The following ZMYM6 variants were observed in gnomAD, a reference collection of about 807,000 sequenced individuals.
ZMYM6 encodes zinc finger MYM-type containing 6.
Under a neutral mutation model 134.0 loss-of-function variants are expected in ZMYM6, and 90 were observed. The observed-to-expected ratio is 0.67, with a 90% CI of 0.57 to 0.80. The LOEUF (loss-of-function observed/expected upper bound fraction) is 0.80. Among genes scored for constraint, ZMYM6 ranks in the 30% least tolerant of loss-of-function variants. ZMYM6 has a pLI of 0.00. For synonymous variants in ZMYM6, 481 were observed against 524.1 expected (o/e 0.92, Z 1.12); for missense variants, 1,362 against 1,533.9 (o/e 0.89, Z 1.87).
At chr1:35,010,301 G>A (rs546206372) in intron 10 of ZMYM6, 146 bp downstream of exon 10, 162 of 1,054,540 alleles carry the variant, frequency 1.5e-4, no homozygotes, top group African/African-American at 8.0e-4. Context: ...GATTACAGGC[G>A]TGAGCCTCCA....
At chr1:34,990,360 G>C (rs55818340) in intron 15 of ZMYM6, 22,852 of 217,190 alleles carry the variant, frequency 0.11, 4,831 homozygotes, top group African/African-American at 0.46. Flanking sequence ...GCAGGTGCCT[G>C]TAATCCCAGC....
intron 4 of ZMYM6, 197 bp downstream of exon 4, chr1:35,019,156 G>T: frequency 1.4e-6 from 1 of 728,122 alleles, no homozygotes; most frequent in Non-Finnish European, 2.2e-6. Flanking sequence ...TAGAAAACTG[G>T]TTTAGGCAAT....
At position 35,010,693 on chromosome 1, in the gene ZMYM6, T is replaced by G. The variant is rs192952458; in HGVS notation, c.1341+65A>C. 444 of 1,539,864 alleles carry G rather than the reference T, an allele frequency of 2.9e-4. 3 individuals are homozygous for G. The highest frequency in any genetic ancestry group is 2.5e-5 in the Non-Finnish European group (29 of 1,149,614). On this transcript the variant is annotated intron_variant, in intron 9 of 15. Coordinates refer to ENST00000357182, the MANE Select transcript of ZMYM6 (RefSeq NM_007167.4). Reference sequence around the variant, plus strand: ...TCAAAGCAAATTGAGTGATCAAAATTGAAAACACAAAAGTGTTTCTACTGG... The same window carrying G: ...TCAAAGCAAATTGAGTGATCAAAATGGAAAACACAAAAGTGTTTCTACTGG...
At chr1:35,015,723 C>CAAAAAAAAA (rs1331400824) in intron 4 of ZMYM6, among the ~76,000 whole-genome samples, 10 of 51,194 alleles carry the variant, frequency 2.0e-4, no homozygotes, top group African/African-American at 8.1e-4. Context: ...GACTCCATCT[C>CAAAAAAAAA]AAAAAAAAAA....
rs967483224 is a variant in ZMYM6, at chr1:35,008,838, T to C, written c.1579A>G (p.Asn527Asp). The change falls in exon 11 of 16, where the codon AAT (asparagine) becomes GAT (aspartate). Residue 527 changes from asparagine (N) to aspartate (D), a missense_variant. This residue lies in a region of ZMYM6 where 824 missense variants were observed against 940.9 expected (regional missense o/e 0.88). Coordinates refer to ENST00000357182, the MANE Select transcript of ZMYM6 (RefSeq NM_007167.4). Reference protein sequence around the residue: ...MCSYCSQTSPNLVENRLEGKL... With the variant: ...MCSYCSQTSPDLVENRLEGKL... ...CCCTCCAATCGATTTTCTACCAAAT[T>C]TGGGGATGTCTGTGAACAGTAGCTG... The C allele has an allele frequency of 1.9e-6, 3 of 1,614,150 alleles. No homozygotes were observed. Among genetic ancestry groups the C allele is most frequent in the Non-Finnish European group, 2.5e-6 (3 of 1,180,014 alleles).
rs180921330 is a variant in ZMYM6 at position 35,007,398 on chromosome 1, G to A, written c.1666-300C>T. ...GAGGTCAGGAGTTCAAGACCAGCCT[G>A]ACCAACATGGTGAAACCCCGTATCT... On this transcript the variant is annotated intron_variant, in intron 11 of 15. Coordinates refer to ENST00000357182, the MANE Select transcript of ZMYM6 (RefSeq NM_007167.4). Among the ~76,000 whole-genome samples the A allele has an allele frequency of 4.5e-4, 69 of 152,204 alleles. 1 individual carries two copies. Among genetic ancestry groups the A allele is most frequent in the African/African-American group, 1.5e-3 (61 of 41,518 alleles).
In ZMYM6 at chr1:35,005,153, T is replaced by A. The variant is rs756255970; in HGVS notation, c.1933A>T (p.Asn645Tyr). 1.2e-6 allele frequency: 2 copies of A among 1,614,192 alleles called. No individual in the cohort carries two copies. The highest frequency in any genetic ancestry group is 2.2e-5 in the South Asian group (2 of 91,082). The change falls in exon 13 of 16, where the codon AAC becomes TAC. Residue 645 changes from asparagine to tyrosine, a missense_variant. This residue lies in a region of ZMYM6 where 824 missense variants were observed against 940.9 expected (regional missense o/e 0.88). Coordinates refer to ENST00000357182, the MANE Select transcript of ZMYM6 (RefSeq NM_007167.4). ...ATACCTTTTAAAACACTGTTAGTGT[T>A]CCCTGTAGATAAGGTAGCAGGTATT... The part of the protein sequence containing the change: ...AKIPATLSTG[N>Y]TNSVLKGAVT...
Position 35,030,687 on chromosome 1 carries a change from T to C in ZMYM6, c.-48A>G. 6.4e-7 allele frequency: 1 copy of C among 1,559,286 alleles called. No individual in the cohort carries two copies. Among genetic ancestry groups the C allele is most frequent in the Non-Finnish European group, 8.8e-7 (1 of 1,141,188 alleles). On this transcript the variant is annotated 5_prime_UTR_variant, in exon 2 of 16. Coordinates refer to ENST00000357182, the MANE Select transcript of ZMYM6 (RefSeq NM_007167.4). ...TGTCTCAGGCTCAAACGAATAGATT[T>C]CTTCTTGGTAATGGATAGTTGGACA... is the stretch of plus-strand genomic sequence containing the variant.
intron 3 of ZMYM6, among the ~76,000 whole-genome samples, chr1:35,019,947 G>A (rs1641274949): frequency 6.6e-6 from 1 of 152,100 alleles, no homozygotes; most frequent in Non-Finnish European, 1.5e-5. Flanking sequence ...TGAGATTACA[G>A]GTGTTAGCCA....
intron 2 of ZMYM6, among the ~76,000 whole-genome samples, chr1:35,024,148 C>G (rs1398754400): frequency 6.6e-6 from 1 of 152,126 alleles, no homozygotes; most frequent in Admixed American, 6.5e-5. Flanking sequence ...CCCCCTCCAC[C>G]TTACCTACAA....
chr1:35,023,566 T>A (rs565538310), intron 2 of ZMYM6, among the ~76,000 whole-genome samples: 1 of 150,672 alleles, frequency 6.6e-6, no homozygotes, highest in Non-Finnish European at 1.5e-5. Context: ...GAAGAGGACA[T>A]TAAAAATATT....
chr1:35,014,863 TTTTGATA>T lies in ZMYM6; in HGVS notation c.622_628del (p.Tyr208MetfsTer23), dbSNP rs1470038453. 5 of 1,614,174 alleles carry T rather than the reference TTTTGATA, an allele frequency of 3.1e-6. No homozygotes were observed. In the South Asian group the frequency reaches 4.4e-5, roughly 14 times the overall value. On this transcript the variant is annotated frameshift_variant, in exon 6 of 16. Transcript: ENST00000357182. LOFTEE classifies it high-confidence loss of function. ...ATCACTACAAAGACCATGTACCACA[TTTTGATA>T]TTTAACTTCAAATCGAGTCTAGGAA... is the stretch of plus-strand genomic sequence containing the variant.
chr1:35,000,635 T>C (rs565398586), intron 14 of ZMYM6, among the ~76,000 whole-genome samples: 4 of 152,270 alleles, frequency 2.6e-5, no homozygotes, highest in African/African-American at 9.6e-5. Flanking sequence ...AAAACATTAC[T>C]ATAATCAACA....
chr1:35,003,662 T>C (rs1181995633), intron 14 of ZMYM6, among the ~76,000 whole-genome samples: 1 of 152,224 alleles, frequency 6.6e-6, no homozygotes, highest in African/African-American at 2.4e-5. Context: ...ACTAATGATC[T>C]AAGATTAAAC....
chr1:35,005,491 C>T (rs549517312), intron 12 of ZMYM6, among the ~76,000 whole-genome samples: 1 of 151,986 alleles, frequency 6.6e-6, no homozygotes, highest in Non-Finnish European at 1.5e-5. Context: ...CCTCAAATGA[C>T]ATTTAACAGG....
intron 14 of ZMYM6, among the ~76,000 whole-genome samples, chr1:35,002,114 T>C (rs891755629): frequency 2.0e-5 from 3 of 152,232 alleles, no homozygotes; most frequent in Non-Finnish European, 2.9e-5. Flanking sequence ...GATTGACTGC[T>C]AGGACCCTCT....
chr1:35,011,799 T>C (rs1490913345), intron 8 of ZMYM6, 91 bp downstream of exon 8: 1 of 909,834 alleles, frequency 1.1e-6, no homozygotes, highest in African/African-American at 1.7e-5. Flanking sequence ...AAATTTAAAC[T>C]TTCATAAGAA....
intron 9 of ZMYM6, 66 bp downstream of exon 9, chr1:35,010,692 T>C (rs1464403033): frequency 7.1e-6 from 11 of 1,539,980 alleles, no homozygotes; most frequent in East Asian, 2.2e-5. Context: ...GTGATCAAAA[T>C]TGAAAACACA....
chr1:35,027,014 AAAGAG>A (rs1281656031), intron 2 of ZMYM6, among the ~76,000 whole-genome samples: 1 of 152,216 alleles, frequency 6.6e-6, no homozygotes, highest in African/African-American at 2.4e-5. Context: ...CAATTAAAAA[AAAGAG>A]AGAGAGAACA....
Sources: gnomAD v4.1 joint callset for allele counts (sites outside exome capture counted in the v4.1 genomes callset) on GRCh38, gnomAD v4.1.1 for gene constraint, gnomAD v4.1.1 regional missense constraint, MANE v1.5 for transcripts, NCBI Gene and HGNC (gene_info 2026-07-23, HGNC 2026-07-21) for gene names.